The following HS6ST2 variants were observed in gnomAD, a reference collection of about 807,000 sequenced individuals.
HS6ST2 encodes the protein heparan-sulfate 6-O-sulfotransferase 2.
In HS6ST2, 17 loss-of-function variants were observed where a neutral mutation model predicts 33.0. The observed-to-expected ratio is 0.52, with a 90% CI of 0.35 to 0.77. HS6ST2 has a LOEUF of 0.77. Among genes scored for constraint, HS6ST2 ranks in the 30% least tolerant of loss-of-function variants. The pLI, the probability that HS6ST2 is intolerant of heterozygous loss-of-function variation, is 0.01. For synonymous variants in HS6ST2, 248 were observed against 237.1 expected, an observed-to-expected ratio of 1.05 and a Z score of -0.42; for missense variants, 519 against 551.7, an observed-to-expected ratio of 0.94 and a Z score of 0.59.
intron 2 of HS6ST2, among the ~76,000 whole-genome samples, chrX:132,812,405 AAATAATAATAAT>A (rs55880539): frequency 2.2e-4 from 19 of 84,918 alleles, no homozygotes; most frequent in East Asian, 7.4e-4. Context: ...ACTCTGTCTC[AAATAATAATAAT>A]AATAATAATA....
At chrX:132,709,443 GA>G (rs1222349833) in intron 2 of HS6ST2, among the ~76,000 whole-genome samples, 1 of 111,650 alleles carries the variant, frequency 9.0e-6, no homozygotes, top group East Asian at 2.8e-4. Context: ...GCTAGCAGCA[GA>G]GCCTTTGAAT....
intron 3 of HS6ST2, among the ~76,000 whole-genome samples, 162 bp downstream of exon 3, chrX:132,708,300 A>T (rs1025313690): frequency 8.8e-5 from 2 of 22,768 alleles, no homozygotes. Context: ...GTTTTAAACT[A>T]AAAAAAAAAA....
intron 2 of HS6ST2, among the ~76,000 whole-genome samples, chrX:132,725,209 G>A (rs747393767): frequency 9.1e-6 from 1 of 110,133 alleles, no homozygotes; most frequent in East Asian, 2.8e-4. Context: ...AAAGTGAAGA[G>A]AGAAATAATA....
At chrX:132,811,957 G>T (rs67118756) in intron 2 of HS6ST2, among the ~76,000 whole-genome samples, 38,817 of 106,355 alleles carry the variant, frequency 0.36, 5,834 homozygotes, top group African/African-American at 0.51. Context: ...TAAGTGGAAT[G>T]GCTGGATTAT....
Position 132,837,687 on chromosome X carries a change from C to T in HS6ST2, c.947+119121G>A, listed in dbSNP as rs2065658145. ...AGTAGAATTTGGGAAAAGAAAACCCCGAAACTCAGATCTAATCTCTCATTC... is the reference window on the plus strand; with the variant it reads ...AGTAGAATTTGGGAAAAGAAAACCCTGAAACTCAGATCTAATCTCTCATTC... On this transcript the variant is annotated intron_variant, in intron 2 of 4. Coordinates refer to ENST00000370833, the MANE Select transcript of HS6ST2 (RefSeq NM_001394073.1). Among the ~76,000 whole-genome samples the T allele has an allele frequency of 3.6e-5, 4 of 111,553 alleles. No homozygotes were observed. In the Admixed American group the frequency reaches 3.8e-4, roughly 11 times the overall value.
chrX:132,955,416 A>T (rs1345960162), intron 2 of HS6ST2, among the ~76,000 whole-genome samples: 1 of 112,337 alleles, frequency 8.9e-6, no homozygotes, highest in Non-Finnish European at 1.9e-5. Context: ...CCAGGGGGTG[A>T]TGTTCCCCTT....
chrX:132,908,785 T>C (rs1049193185), intron 2 of HS6ST2, among the ~76,000 whole-genome samples: 10 of 110,481 alleles, frequency 9.1e-5, no homozygotes, highest in African/African-American at 3.3e-4. Flanking sequence ...ATTATAATAT[T>C]CTAAAATTGA....
At chrX:132,848,153 A>G (rs6654657) in intron 2 of HS6ST2, among the ~76,000 whole-genome samples, 1 of 110,275 alleles carries the variant, frequency 9.1e-6, no homozygotes, top group African/African-American at 3.3e-5. Flanking sequence ...GAAGGCAATA[A>G]CCTAAAGCAC....
intron 2 of HS6ST2, among the ~76,000 whole-genome samples, chrX:132,944,747 A>G (rs1175855679): frequency 2.7e-5 from 3 of 111,089 alleles, no homozygotes; most frequent in Non-Finnish European, 3.8e-5. Context: ...AAAACAAGAA[A>G]TGGGGAAAGG....
intron 2 of HS6ST2, among the ~76,000 whole-genome samples, chrX:132,813,273 G>A (rs949481369): frequency 9.0e-6 from 1 of 111,601 alleles, no homozygotes; most frequent in Non-Finnish European, 1.9e-5. Flanking sequence ...TTAGCGCTTA[G>A]CAATGTTGAC....
chrX:132,944,276 T>C (rs1407877279), intron 2 of HS6ST2, among the ~76,000 whole-genome samples: 1 of 110,926 alleles, frequency 9.0e-6, no homozygotes, highest in East Asian at 2.8e-4. Context: ...GAGAATAAAA[T>C]ACCTAGGAAT....
chrX:132,682,519 T>C (rs950927011), intron 3 of HS6ST2, among the ~76,000 whole-genome samples: 1 of 112,098 alleles, frequency 8.9e-6, no homozygotes, highest in Non-Finnish European at 1.9e-5. Flanking sequence ...CTCAAAAGGA[T>C]ATAAACAATC....
At chrX:132,632,601 C>G (rs1016334217) in intron 4 of HS6ST2, among the ~76,000 whole-genome samples, 10 of 109,689 alleles carry the variant, frequency 9.1e-5, no homozygotes, top group Non-Finnish European at 1.5e-4. Flanking sequence ...GGCACTATGG[C>G]AGGCACTGGG....
At chrX:132,804,953 C>CA (rs1836680257) in intron 2 of HS6ST2, among the ~76,000 whole-genome samples, 1 of 111,314 alleles carries the variant, frequency 9.0e-6, no homozygotes, top group Non-Finnish European at 1.9e-5. Context: ...AATGGAAGTC[C>CA]ACTGCTACAG....
intron 4 of HS6ST2, among the ~76,000 whole-genome samples, chrX:132,634,394 C>T (rs1451789872): frequency 1.8e-5 from 2 of 112,168 alleles, no homozygotes; most frequent in African/African-American, 6.5e-5. Flanking sequence ...TTGGACAGGA[C>T]TTTCTTGTGA....
intron 2 of HS6ST2, among the ~76,000 whole-genome samples, chrX:132,819,728 C>T (rs184136902): frequency 1.1e-3 from 120 of 111,947 alleles, no homozygotes; most frequent in Non-Finnish European, 1.6e-3. Context: ...CCTGCCATCC[C>T]AGAGCCAAGC....
chrX:132,766,026 G>A (rs772737572), intron 2 of HS6ST2, among the ~76,000 whole-genome samples: 1 of 111,841 alleles, frequency 8.9e-6, no homozygotes, highest in African/African-American at 3.3e-5. Flanking sequence ...TTAGACTCAC[G>A]TGGCAAAGCC....
At chrX:132,737,491 C>G (rs180926143) in intron 2 of HS6ST2, among the ~76,000 whole-genome samples, 15 of 111,230 alleles carry the variant, frequency 1.3e-4, no homozygotes, top group East Asian at 8.5e-4. Flanking sequence ...CACTGGGGCC[C>G]TCCCTTTATC....
chrX:132,859,501 C>T (rs1228571985), intron 2 of HS6ST2, among the ~76,000 whole-genome samples: 2 of 108,587 alleles, frequency 1.8e-5, no homozygotes, highest in Non-Finnish European at 3.8e-5. Context: ...AACATTAGGA[C>T]AAAATGAGGG....
Sources: allele counts gnomAD v4.1 joint callset (sites outside exome capture counted in the v4.1 genomes callset), GRCh38; gene constraint gnomAD v4.1.1; transcripts MANE v1.5; gene names NCBI Gene and HGNC (gene_info 2026-07-23, HGNC 2026-07-21).